Variants in CAPN13 observed in about 807,000 individuals in gnomAD.
CAPN13 encodes the protein calpain 13, also known as calpain-13.
CAPN13 carries 90 observed loss-of-function variants against 98.4 expected under a neutral mutation model. The ratio of observed to expected loss-of-function variants is 0.92; its 90% CI spans 0.77 to 1.09. The LOEUF is 1.09. Ranked by LOEUF, CAPN13 falls within the 50% of genes least tolerant of loss-of-function variation. The pLI is 0.00. For synonymous variants in CAPN13, 330 were observed against 305.5 expected (o/e 1.08, Z -0.84); for missense variants, 887 against 841.3 (o/e 1.05, Z -0.67).
At chr2:30,745,446 C>T (rs553647777) in intron 12 of CAPN13, among the ~76,000 whole-genome samples, 19 of 152,322 alleles carry the variant, frequency 1.2e-4, no homozygotes, top group Non-Finnish European at 2.1e-4. Context: ...CCATCTCCAT[C>T]AATCTTCTCT....
rs114701603 is a variant in CAPN13, at chr2:30,759,289, G to A, written c.775-1152C>T. On this transcript the variant is annotated intron_variant, in intron 7 of 22. Transcript: ENST00000295055. ...TGCCCCCTGTCTGGGGTAACTCATA[G>A]TCGTGCACTTCAGATAAGGAGGTCT... Among the ~76,000 whole-genome samples the A allele has an allele frequency of 4.8e-3, 728 of 151,224 alleles. 6 individuals carry two copies. Among genetic ancestry groups the A allele is most frequent in the African/African-American group, 0.017 (693 of 41,120 alleles).
At chr2:30,761,078 G>A (rs548064393) in intron 7 of CAPN13, among the ~76,000 whole-genome samples, 3 of 152,348 alleles carry the variant, frequency 2.0e-5, no homozygotes, top group East Asian at 1.9e-4. Flanking sequence ...CATACAGGCC[G>A]CTTGGAGTCC....
At chr2:30,747,444 T>C (rs1160627606) in intron 11 of CAPN13, among the ~76,000 whole-genome samples, 1 of 152,178 alleles carries the variant, frequency 6.6e-6, no homozygotes, top group African/African-American at 2.4e-5. Flanking sequence ...AGCCGACTTC[T>C]CTGGAGGCCA....
At chr2:30,781,903 G>A (rs1029841262) in intron 2 of CAPN13, among the ~76,000 whole-genome samples, 2 of 152,158 alleles carry the variant, frequency 1.3e-5, no homozygotes, top group Admixed American at 6.5e-5. Flanking sequence ...CAATAAATAT[G>A]TCAACAGGGT....
chr2:30,738,166 T>C (rs1321121739), intron 17 of CAPN13, 69 bp downstream of exon 17: 1 of 1,553,126 alleles, frequency 6.4e-7, no homozygotes, highest in Admixed American at 1.7e-5. Flanking sequence ...CTGTCCTAAT[T>C]AGGTCTCTGG....
intron 5 of CAPN13, among the ~76,000 whole-genome samples, chr2:30,765,609 G>A (rs2148026638): frequency 6.6e-6 from 1 of 152,316 alleles, no homozygotes; most frequent in Admixed American, 6.5e-5. Context: ...CTGCAGGGTG[G>A]ACTGGATCAG....
At chr2:30,766,779 C>A (rs1673133817) in intron 5 of CAPN13, among the ~76,000 whole-genome samples, 1 of 152,232 alleles carries the variant, frequency 6.6e-6, no homozygotes, top group African/African-American at 2.4e-5. Context: ...AGCCTACCAG[C>A]TCTCGTCCCT....
At chr2:30,767,496 C>T (rs188354388) in intron 5 of CAPN13, among the ~76,000 whole-genome samples, 4 of 152,334 alleles carry the variant, frequency 2.6e-5, no homozygotes. Flanking sequence ...TCCCAGGGAA[C>T]CACTGGTCTC....
intron 5 of CAPN13, among the ~76,000 whole-genome samples, chr2:30,768,678 TTTCCTTCCTTCCTTCC>T (rs4021142): frequency 6.7e-6 from 1 of 149,176 alleles, no homozygotes; most frequent in African/African-American, 2.6e-5. Flanking sequence ...AACTTTCTTT[TTTCCTTCCTTCCTTCC>T]TTCCTTCCTT....
intron 13 of CAPN13, among the ~76,000 whole-genome samples, 169 bp from the exon 14 acceptor site, chr2:30,742,528 C>A (rs1469940250): frequency 6.6e-6 from 1 of 152,230 alleles, no homozygotes; most frequent in African/African-American, 2.4e-5. Context: ...TGGCCACCAG[C>A]CCAGCCTTTT....
intron 5 of CAPN13, among the ~76,000 whole-genome samples, chr2:30,766,015 C>T (rs1016023796): frequency 1.3e-5 from 2 of 152,138 alleles, no homozygotes; most frequent in African/African-American, 2.4e-5. Context: ...GCTCTGGACT[C>T]CCTTGCTGTC....
chr2:30,789,791 G>A (rs764318591), intron 1 of CAPN13, among the ~76,000 whole-genome samples: 23 of 152,210 alleles, frequency 1.5e-4, no homozygotes, highest in Non-Finnish European at 2.6e-4. Flanking sequence ...ATTTTGAGCA[G>A]GAAAGGACTG....
intron 3 of CAPN13, among the ~76,000 whole-genome samples, chr2:30,776,486 T>G (rs1226764851): frequency 1.3e-5 from 2 of 152,160 alleles, no homozygotes; most frequent in African/African-American, 4.8e-5. Context: ...GTGCTGAGAT[T>G]ACAGGTATGA....
Position 30,789,417 on chromosome 2 carries a change from T to C in CAPN13, c.-32-2060A>G, listed in dbSNP as rs145081733. ...ATGAAAACCAAATTGTAGTTACCCT[T>C]AATAATACAATTATGGGATTGCCTG... On this transcript the variant is annotated intron_variant, in intron 1 of 22. Transcript: ENST00000295055. Among the ~76,000 whole-genome samples, 792 of 152,334 alleles carry C rather than the reference T, an allele frequency of 5.2e-3. 8 individuals carry two copies. The highest frequency in any genetic ancestry group is 0.018 in the African/African-American group (753 of 41,576).
chr2:30,743,958 G>C (rs1315074371), intron 12 of CAPN13, among the ~76,000 whole-genome samples: 1 of 152,146 alleles, frequency 6.6e-6, no homozygotes, highest in Non-Finnish European at 1.5e-5. Flanking sequence ...TGAATGTTTA[G>C]CAGAATACTT....
At chr2:30,738,358 A>T (rs1671482978) in intron 16 of CAPN13, 42 bp downstream of exon 16, 1 of 1,612,318 alleles carries the variant, frequency 6.2e-7, no homozygotes, top group Non-Finnish European at 8.5e-7. Context: ...GGTTGCCAGC[A>T]GGGAGGAGGA....
intron 2 of CAPN13, among the ~76,000 whole-genome samples, chr2:30,786,408 A>G (rs560633193): frequency 6.6e-6 from 1 of 152,092 alleles, no homozygotes; most frequent in Non-Finnish European, 1.5e-5. Context: ...AGATTATCAG[A>G]ATGTTGAGTC....
Position 30,750,234 on chromosome 2 carries a change from T to C in CAPN13, c.1236+869A>G, listed in dbSNP as rs191148691. 4.3e-4 allele frequency among the ~76,000 whole-genome samples: 65 copies of C among 152,258 alleles called. No homozygotes were observed. In the East Asian group the frequency reaches 9.1e-3, roughly 21 times the overall value. On this transcript the variant is annotated intron_variant, in intron 11 of 22. Transcript: ENST00000295055. ...AAAAGCAAATATCACAAGTCCTCAC[T>C]TATAAGTGGGAGCTAAATAATAAGA...
intron 12 of CAPN13, among the ~76,000 whole-genome samples, chr2:30,744,457 C>G (rs1671809908): frequency 6.6e-6 from 1 of 152,140 alleles, no homozygotes; most frequent in African/African-American, 2.4e-5. Flanking sequence ...ATGGCAAAAG[C>G]AATGATGGAA....
Sources: gnomAD v4.1 joint callset for allele counts (sites outside exome capture counted in the v4.1 genomes callset) on GRCh38, gnomAD v4.1.1 for gene constraint, MANE v1.5 for transcripts, NCBI Gene and HGNC (gene_info 2026-07-23, HGNC 2026-07-21) for gene names.